PLA2G4C: variants seen among roughly 807,000 people sequenced by gnomAD.
The protein encoded by PLA2G4C is cytosolic phospholipase A2 gamma.
In PLA2G4C, 64 loss-of-function variants were observed where a neutral mutation model predicts 73.8. That is an observed-to-expected ratio of 0.87 (90% CI 0.71 to 1.07). The LOEUF (loss-of-function observed/expected upper bound fraction) is 1.07, where lower values mean the gene tolerates loss of function less well. PLA2G4C is among the 50% of genes least tolerant of loss of function. The pLI is 0.00. For synonymous variants in PLA2G4C, 254 were observed against 252.1 expected (o/e 1.01, Z -0.07); for missense variants, 622 against 665.4 (o/e 0.93, Z 0.72).
At chr19:48,076,717 T>G (rs1430286881) in intron 11 of PLA2G4C, among the ~76,000 whole-genome samples, 1 of 148,030 alleles carries the variant, frequency 6.8e-6, no homozygotes, top group African/African-American at 2.5e-5. Flanking sequence ...CACTCTAGCC[T>G]GGGTGACACG....
At chr19:48,078,809 A>G (rs1235442043) in intron 10 of PLA2G4C, among the ~76,000 whole-genome samples, 1 of 152,064 alleles carries the variant, frequency 6.6e-6, no homozygotes. Flanking sequence ...AGCAATCTAC[A>G]AGTCCAGTGT....
Position 48,106,521 on chromosome 19 carries a change from C to T in PLA2G4C, c.8+1G>A, listed in dbSNP as rs2032245057. The T allele has an allele frequency of 6.2e-7, 1 of 1,610,274 alleles. No individual in the cohort carries two copies. The highest frequency in any genetic ancestry group is 8.5e-7 in the Non-Finnish European group (1 of 1,176,440). Reference sequence around the variant, plus strand: ...TAGTGGTCAGCTCTAAGAGGACTTACCTTCCCATGGTGCACTGCGGTCAGA... The same window carrying T: ...TAGTGGTCAGCTCTAAGAGGACTTATCTTCCCATGGTGCACTGCGGTCAGA... On this transcript the variant is annotated splice_donor_variant, in intron 2 of 16. Transcript: ENST00000599921. LOFTEE classifies it high-confidence loss of function.
chr19:48,048,967 G>T (rs535000223), intron 16 of PLA2G4C, among the ~76,000 whole-genome samples: 2 of 152,206 alleles, frequency 1.3e-5, no homozygotes, highest in South Asian at 4.1e-4. Context: ...GTTCACTTGA[G>T]ATCTGGTTGT....
chr19:48,099,678 GTTTGC>G lies in PLA2G4C; in HGVS notation c.435_439del (p.Lys145AsnfsTer30). 1 of 1,612,758 alleles carries G rather than the reference GTTTGC, an allele frequency of 6.2e-7. No homozygotes were observed. The highest frequency in any genetic ancestry group is 1.1e-5 in the South Asian group (1 of 90,880). On this transcript the variant is annotated frameshift_variant, in exon 5 of 17. Coordinates refer to ENST00000599921, the MANE Select transcript of PLA2G4C (RefSeq NM_003706.3). LOFTEE classifies it high-confidence loss of function. ...CAGCTGGGAATGACTTACTTCTCTG[GTTTGC>G]TTAGAGATAACCATGTAGGCCCAGA...
At chr19:48,056,552 A>G (rs1336557279) in intron 14 of PLA2G4C, among the ~76,000 whole-genome samples, 1 of 150,624 alleles carries the variant, frequency 6.6e-6, no homozygotes, top group African/African-American at 2.5e-5. Flanking sequence ...GAGGCTGGGC[A>G]TGGTGGCTCA....
At chr19:48,081,954 G>T (rs2030600471) in intron 10 of PLA2G4C, among the ~76,000 whole-genome samples, 1 of 151,844 alleles carries the variant, frequency 6.6e-6, no homozygotes, top group South Asian at 2.1e-4. Flanking sequence ...GGTGGTACGT[G>T]CCTGTAATTC....
intron 14 of PLA2G4C, among the ~76,000 whole-genome samples, chr19:48,060,199 A>C (rs1440307745): frequency 6.6e-6 from 1 of 152,028 alleles, no homozygotes; most frequent in East Asian, 1.9e-4. Flanking sequence ...CTAGACATAG[A>C]TCCTATTGGT....
intron 1 of PLA2G4C, among the ~76,000 whole-genome samples, chr19:48,108,600 T>C (rs2057614770): frequency 6.6e-6 from 1 of 152,198 alleles, no homozygotes. Context: ...TTTAGCAAAG[T>C]TCCAGCACCT....
At chr19:48,056,289 T>C (rs1490156782) in intron 14 of PLA2G4C, among the ~76,000 whole-genome samples, 1 of 152,194 alleles carries the variant, frequency 6.6e-6, no homozygotes, top group African/African-American at 2.4e-5. Context: ...GGCTCATGTC[T>C]GTAATCCCAG....
At chr19:48,087,219 A>C (rs899394732) in intron 9 of PLA2G4C, among the ~76,000 whole-genome samples, 2 of 152,176 alleles carry the variant, frequency 1.3e-5, no homozygotes, top group Non-Finnish European at 2.9e-5. Flanking sequence ...CAGCAGGGAC[A>C]CAGTTTCAGT....
chr19:48,110,533 C>CTCCGGAATCCGGTGCGGAGGCTTGGGA lies in PLA2G4C; in HGVS notation c.-80_-79insTCCCAAGCCTCCGCACCGGATTCCGGA. ...GTGCGCATGCGCGGTGGAGCTTGTG[C>CTCCGGAATCCGGTGCGGAGGCTTGGGA]TCCGGAATCCGGTGCGGAGGCTTGG... On this transcript the variant is annotated 5_prime_UTR_variant, in exon 1 of 17. Coordinates refer to ENST00000599921, the MANE Select transcript of PLA2G4C (RefSeq NM_003706.3). 2 of 1,533,424 alleles carry CTCCGGAATCCGGTGCGGAGGCTTGGGA rather than the reference C, an allele frequency of 1.3e-6. No homozygotes were observed. Among genetic ancestry groups the CTCCGGAATCCGGTGCGGAGGCTTGGGA allele is most frequent in the Non-Finnish European group, 8.7e-7 (1 of 1,142,858 alleles). The allele number at this position is 1,533,424 out of a possible 1,614,324, so 95.0% of individuals were successfully genotyped here.
intron 10 of PLA2G4C, among the ~76,000 whole-genome samples, chr19:48,081,801 C>T (rs921412750): frequency 7.4e-6 from 1 of 136,036 alleles, no homozygotes; most frequent in Non-Finnish European, 1.7e-5. Context: ...CACATTGGGG[C>T]CAGGTGTGGT....
chr19:48,050,673 CTT>C lies in PLA2G4C; in HGVS notation c.1581-2287_1581-2286del, dbSNP rs5828330. On this transcript the variant is annotated intron_variant, in intron 16 of 16. Coordinates refer to ENST00000599921, the MANE Select transcript of PLA2G4C (RefSeq NM_003706.3). Reference sequence around the variant, plus strand: ...ATCCCTAGAGCCTGTGAGTATGTGACTTTTTTTTTTTTTTTTTTTGAGACAGG... The same window carrying C: ...ATCCCTAGAGCCTGTGAGTATGTGACTTTTTTTTTTTTTTTTTGAGACAGG... 1.1e-4 allele frequency among the ~76,000 whole-genome samples: 9 copies of C among 78,746 alleles called. 1 individual carries two copies. Among genetic ancestry groups the C allele is most frequent in the Admixed American group, 4.2e-4 (2 of 4,816 alleles). The allele number at this position is 78,746 out of a possible 152,430, so 51.7% of individuals were successfully genotyped here. A position where few individuals can be genotyped will look rare whatever the true frequency, so the allele number is the denominator to read the frequency against.
At chr19:48,062,305 C>A in intron 13 of PLA2G4C, 153 bp from the exon 14 acceptor site, 1 of 607,086 alleles carries the variant, frequency 1.6e-6, no homozygotes, top group Non-Finnish European at 2.7e-6. Context: ...TCTCTCTCTT[C>A]CCAGATTCAT....
intron 16 of PLA2G4C, chr19:48,052,215 G>A (rs1967754088): frequency 6.6e-6 from 1 of 152,112 alleles, no homozygotes; most frequent in African/African-American, 2.4e-5. Flanking sequence ...ATAGTGAATT[G>A]GGGTCCTGAG....
In PLA2G4C at chr19:48,053,035, G is replaced by T; in HGVS notation, c.1542C>A (p.Asn514Lys). 6.2e-7 allele frequency: 1 copy of T among 1,613,346 alleles called. No homozygotes were observed. The highest frequency in any genetic ancestry group is 8.5e-7 in the Non-Finnish European group (1 of 1,179,460). Reference protein sequence around the residue: ...LALAKKNVRENKKKILRELMN... With the variant: ...LALAKKNVREKKKKILRELMN... ...TCAACTCTCTAAGGATCTTCTTCTTGTTTTCCCTGACATTCTTCTTGGCTA... is the reference window on the plus strand; with the variant it reads ...TCAACTCTCTAAGGATCTTCTTCTTTTTTTCCCTGACATTCTTCTTGGCTA... The change falls in exon 16 of 17, where the codon AAC becomes AAA. Residue 514 changes from asparagine to lysine, a missense_variant. Physicochemically the swap from Asn to Lys is moderately conservative, Grantham distance 94 (BLOSUM62 0). Transcript: ENST00000599921.
chr19:48,094,708 T>C (rs947857400), intron 7 of PLA2G4C, among the ~76,000 whole-genome samples: 3 of 152,230 alleles, frequency 2.0e-5, no homozygotes, highest in Non-Finnish European at 4.4e-5. Context: ...CTAAAAGTGA[T>C]ACCAGTGTGT....
In PLA2G4C at chr19:48,048,274, G is replaced by A; in HGVS notation, c.*69C>T. The A allele has an allele frequency of 1.7e-6, 2 of 1,189,158 alleles. No homozygotes were observed. Among genetic ancestry groups the A allele is most frequent in the Non-Finnish European group, 2.4e-6 (2 of 818,306 alleles). 73.7% of individuals were successfully genotyped at this position (1,189,158 alleles called of 1,614,324 possible). The stretch of plus-strand genomic sequence containing the variant: ...TGTGGCTGAAGGGAGTGAAGAACAG[G>A]AAGGCCAGGTGGACATCAGGGCCCT... On this transcript the variant is annotated 3_prime_UTR_variant, in exon 17 of 17. Coordinates refer to ENST00000599921, the MANE Select transcript of PLA2G4C (RefSeq NM_003706.3).
At chr19:48,051,108 G>A (rs763405030) in intron 16 of PLA2G4C, among the ~76,000 whole-genome samples, 5 of 152,188 alleles carry the variant, frequency 3.3e-5, no homozygotes, top group South Asian at 2.1e-4. Context: ...AGAGCAAGGC[G>A]GGAGGTCAGA....
Sources: gnomAD v4.1 joint callset for allele counts (sites outside exome capture counted in the v4.1 genomes callset) on GRCh38, gnomAD v4.1.1 for gene constraint, MANE v1.5 for transcripts, NCBI Gene and HGNC (gene_info 2026-07-23, HGNC 2026-07-21) for gene names.